The following ENTREP2 variants were observed in gnomAD, a reference collection of about 807,000 sequenced individuals.
The protein encoded by ENTREP2 is endosomal transmembrane epsin interactor 2.
chr15:29,404,286 C>T, the ENTREP2 span, among the ~76,000 whole-genome samples: 1 of 152,006 alleles, frequency 6.6e-6, no homozygotes, highest in Admixed American at 6.5e-5. Flanking sequence ...CTAGGATCCC[C>T]AAACACAGTA....
the ENTREP2 span, among the ~76,000 whole-genome samples, chr15:29,381,529 AAC>A: frequency 2.4e-4 from 36 of 151,938 alleles, no homozygotes; most frequent in African/African-American, 8.4e-4. Context: ...AAACAAAACA[AAC>A]ACAAAGAGGA....
chr15:29,384,267 A>C, the ENTREP2 span, among the ~76,000 whole-genome samples: 1 of 152,080 alleles, frequency 6.6e-6, no homozygotes, highest in Non-Finnish European at 1.5e-5. Context: ...TGTGAATTCA[A>C]AATTTCTGAC....
At chr15:29,219,974 A>G in the ENTREP2 span, among the ~76,000 whole-genome samples, 1 of 152,088 alleles carries the variant, frequency 6.6e-6, no homozygotes, top group Admixed American at 6.6e-5. Flanking sequence ...GATCCTACGC[A>G]TGCAACCAAA....
At chr15:29,159,126 A>G in the ENTREP2 span, among the ~76,000 whole-genome samples, 1 of 152,120 alleles carries the variant, frequency 6.6e-6, no homozygotes, top group East Asian at 1.9e-4. Flanking sequence ...GCTGAGTGTT[A>G]CAGCTCTTAA....
At chr15:29,536,603 CAA>C in the ENTREP2 span, among the ~76,000 whole-genome samples, 38 of 74,126 alleles carry the variant, frequency 5.1e-4, no homozygotes, top group Admixed American at 8.2e-4. Context: ...GACTCTGTCT[CAA>C]AAAAAAAAAA....
chr15:29,217,747 T>C, the ENTREP2 span, among the ~76,000 whole-genome samples: 1 of 152,228 alleles, frequency 6.6e-6, no homozygotes, highest in East Asian at 1.9e-4. Context: ...TCCTGAATTC[T>C]TTTTCAGGTA....
At chr15:29,213,271 C>T in the ENTREP2 span, among the ~76,000 whole-genome samples, 7 of 151,972 alleles carry the variant, frequency 4.6e-5, no homozygotes, top group South Asian at 4.2e-4. Context: ...CTTGGCAATG[C>T]GGGCTCTTTT....
At chr15:29,334,090 A>C in the ENTREP2 span, among the ~76,000 whole-genome samples, 1 of 152,190 alleles carries the variant, frequency 6.6e-6, no homozygotes, top group Non-Finnish European at 1.5e-5. Context: ...CAGAACTGTG[A>C]AGGAATAAAT....
chr15:29,489,803 C>T, the ENTREP2 span, among the ~76,000 whole-genome samples: 1 of 152,154 alleles, frequency 6.6e-6, no homozygotes, highest in Non-Finnish European at 1.5e-5. Context: ...TGGGTACCAT[C>T]GCTCAGCTAC....
chr15:29,653,418 C>G, the ENTREP2 span, among the ~76,000 whole-genome samples: 1 of 152,094 alleles, frequency 6.6e-6, no homozygotes. Flanking sequence ...GGCTGTGTCC[C>G]ACCCAAAATT....
chr15:29,435,981 C>A, the ENTREP2 span, among the ~76,000 whole-genome samples: 1 of 152,110 alleles, frequency 6.6e-6, no homozygotes, highest in Admixed American at 6.5e-5. Flanking sequence ...GATGAGTCAA[C>A]CGATGTACTA....
At chr15:29,532,617 T>G in the ENTREP2 span, among the ~76,000 whole-genome samples, 3 of 152,160 alleles carry the variant, frequency 2.0e-5, no homozygotes, top group East Asian at 5.8e-4. Context: ...AAATCTCACT[T>G]TGATAAATGG....
chr15:29,275,569 C>T, the ENTREP2 span, among the ~76,000 whole-genome samples: 14 of 152,182 alleles, frequency 9.2e-5, no homozygotes, highest in Non-Finnish European at 1.8e-4. Flanking sequence ...AATCAAAAGT[C>T]TTTGAGGCAA....
chr15:29,587,138 C>CGTGTGTGTGTGTGT, the ENTREP2 span, among the ~76,000 whole-genome samples: 53 of 124,056 alleles, frequency 4.3e-4, no homozygotes, highest in Admixed American at 1.1e-3. Flanking sequence ...TGTAGCTAAC[C>CGTGTGTGTGTGTGT]GTGTGTGTGT....
At chr15:29,126,232 C>T in the ENTREP2 span, 2 of 1,424,250 alleles carry the variant, frequency 1.4e-6, no homozygotes, top group Non-Finnish European at 1.9e-6. Flanking sequence ...AAGCTGGCCA[C>T]ACTCTGGGGA....
chr15:29,593,709 G>A, the ENTREP2 span, among the ~76,000 whole-genome samples: 4 of 152,246 alleles, frequency 2.6e-5, no homozygotes, highest in African/African-American at 9.6e-5. Context: ...TTCACATTGC[G>A]TCAGGTCACT....
At chr15:29,136,526 G>A in the ENTREP2 span, 122 of 1,544,110 alleles carry the variant, frequency 7.9e-5, 2 homozygotes, top group South Asian at 1.3e-3. Context: ...TCATCACATC[G>A]TCATTGCCCG....
chr15:29,500,200 A>G, the ENTREP2 span, among the ~76,000 whole-genome samples: 1 of 152,176 alleles, frequency 6.6e-6, no homozygotes, highest in Non-Finnish European at 1.5e-5. Flanking sequence ...AACAAATAGA[A>G]TAACAGCAAG....
chr15:29,132,051 C>A, the ENTREP2 span, among the ~76,000 whole-genome samples: 16 of 144,734 alleles, frequency 1.1e-4, no homozygotes, highest in African/African-American at 3.3e-4. Context: ...CCCCAGCACA[C>A]CCCCTGCCCC....
Sources: allele counts gnomAD v4.1 joint callset (sites outside exome capture counted in the v4.1 genomes callset), GRCh38; gene constraint gnomAD v4.1.1; transcripts MANE v1.5; gene names NCBI Gene and HGNC (gene_info 2026-07-23, HGNC 2026-07-21).